TENM3: variants seen among roughly 807,000 people sequenced by gnomAD.
TENM3 encodes teneurin transmembrane protein 3, also known as teneurin-3.
In TENM3, 63 loss-of-function variants were observed where a neutral mutation model predicts 255.1. The ratio of observed to expected loss-of-function variants is 0.25; its 90% CI spans 0.20 to 0.30. TENM3 has a LOEUF of 0.30. Among genes scored for constraint, TENM3 ranks in the 10% least tolerant of loss-of-function variants. TENM3 has a pLI of 1.00. For synonymous variants in TENM3, 1,306 were observed against 1,322.3 expected (o/e 0.99, Z 0.27); for missense variants, 2,929 against 3,461.1 (o/e 0.85, Z 3.86).
chr4:181,580,146 T>A, the TENM3 span, among the ~76,000 whole-genome samples: 2 of 151,972 alleles, frequency 1.3e-5, no homozygotes, highest in African/African-American at 4.8e-5. Flanking sequence ...TACAGGCATG[T>A]GCCACCATGC....
chr4:182,611,523 G>A (rs2152432244), intron 4 of TENM3, among the ~76,000 whole-genome samples: 1 of 152,068 alleles, frequency 6.6e-6, no homozygotes, highest in African/African-American at 2.4e-5. Context: ...TGTCTACTCT[G>A]ATCATCTGGC....
chr4:182,135,857 G>A, the TENM3 span, among the ~76,000 whole-genome samples: 1 of 152,200 alleles, frequency 6.6e-6, no homozygotes, highest in Non-Finnish European at 1.5e-5. Flanking sequence ...CAGACAAGAA[G>A]TTTTGTGAGA....
chr4:182,080,644 A>C, the TENM3 span, among the ~76,000 whole-genome samples: 3 of 152,228 alleles, frequency 2.0e-5, no homozygotes, highest in African/African-American at 7.2e-5. Context: ...TCATCCATCC[A>C]GTGAAACAGG....
At chr4:182,190,369 A>G (rs1409184151) in intron 1 of TENM3, 8 of 152,226 alleles carry the variant, frequency 5.3e-5, no homozygotes, top group Non-Finnish European at 2.9e-5. Context: ...TGAAACAAGT[A>G]TGCACTGTTC....
At position 182,635,719 on chromosome 4, in the gene TENM3, G is replaced by T. The variant is rs141399610; in HGVS notation, c.988+6830G>T. The stretch of plus-strand genomic sequence containing the variant: ...ATGTTGTCATATGCCTGCTAAAAAG[G>T]CTGTTTAACAACATAAGCATTCCCT... On this transcript the variant is annotated intron_variant, in intron 5 of 27. Transcript: ENST00000511685. Among the ~76,000 whole-genome samples the T allele has an allele frequency of 4.0e-3, 606 of 152,234 alleles. 4 individuals are homozygous for T. Among genetic ancestry groups the T allele is most frequent in the African/African-American group, 0.014 (592 of 41,554 alleles).
At chr4:181,737,929 T>C in the TENM3 span, among the ~76,000 whole-genome samples, 3 of 150,362 alleles carry the variant, frequency 2.0e-5, no homozygotes, top group African/African-American at 7.4e-5. Context: ...TGCCAACTCG[T>C]ATCTGGGGAG....
chr4:181,673,838 AGT>A, the TENM3 span, among the ~76,000 whole-genome samples: 1 of 140,872 alleles, frequency 7.1e-6, no homozygotes, highest in Non-Finnish European at 1.5e-5. Flanking sequence ...GAAAGTCAGA[AGT>A]GTGTGGTGTG....
chr4:182,362,723 C>T (rs1766110228), intron 3 of TENM3, among the ~76,000 whole-genome samples: 1 of 152,142 alleles, frequency 6.6e-6, no homozygotes, highest in African/African-American at 2.4e-5. Flanking sequence ...ACGGTGCACG[C>T]ACCCACTGAC....
At chr4:181,641,291 C>T in the TENM3 span, among the ~76,000 whole-genome samples, 3 of 151,596 alleles carry the variant, frequency 2.0e-5, no homozygotes, top group South Asian at 2.1e-4. Flanking sequence ...CCCATCAACC[C>T]GTCACCTACA....
At chr4:182,390,983 T>C (rs1468751236) in intron 3 of TENM3, among the ~76,000 whole-genome samples, 1 of 152,176 alleles carries the variant, frequency 6.6e-6, no homozygotes, top group Non-Finnish European at 1.5e-5. Context: ...TTTAATAGAA[T>C]AGCTGTTAAT....
chr4:181,507,079 C>T, the TENM3 span, among the ~76,000 whole-genome samples: 1 of 152,124 alleles, frequency 6.6e-6, no homozygotes, highest in African/African-American at 2.4e-5. Context: ...AACTTGTGCC[C>T]AGATAGATTT....
At chr4:181,966,649 G>A in the TENM3 span, among the ~76,000 whole-genome samples, 2 of 152,180 alleles carry the variant, frequency 1.3e-5, no homozygotes, top group Non-Finnish European at 2.9e-5. Flanking sequence ...TAAAGGCTCC[G>A]AGAATGAAAT....
intron 4 of TENM3, among the ~76,000 whole-genome samples, chr4:182,620,344 T>C (rs1392735345): frequency 6.6e-6 from 1 of 152,222 alleles, no homozygotes; most frequent in East Asian, 1.9e-4. Context: ...GTCCTTGGGC[T>C]TAAAGACACA....
chr4:182,628,694 A>C lies in TENM3; in HGVS notation c.793A>C (p.Ser265Arg), dbSNP rs773042871. The change falls in exon 5 of 28, where the codon AGT becomes CGT. Residue 265 changes from serine to arginine, a missense_variant. By Grantham distance (110) the Ser-to-Arg change is moderately radical. Around this residue, in one of 6 missense-constraint regions of TENM3, gnomAD observed 1,608 missense variants for 1,884.4 expected, o/e 0.85. Coordinates refer to ENST00000511685, the MANE Select transcript of TENM3 (RefSeq NM_001080477.4). The stretch of plus-strand genomic sequence containing the variant: ...AGGAACAGGTACAACGCCACTGTTC[A>C]GTACTGCAACCCCAGGATACACAAT... ...KTGTGTTPLF[S>R]TATPGYTMAS... is the part of the protein sequence containing the mutation. 12 of 1,605,438 alleles carry C rather than the reference A, an allele frequency of 7.5e-6. No homozygotes were observed. The highest frequency in any genetic ancestry group is 1.0e-5 in the Non-Finnish European group (12 of 1,175,866).
the TENM3 span, among the ~76,000 whole-genome samples, chr4:182,017,273 A>C: frequency 6.6e-6 from 1 of 152,252 alleles, no homozygotes; most frequent in African/African-American, 2.4e-5. Context: ...AAATACAGGC[A>C]TGAGAAATGC....
In TENM3 at chr4:182,796,711, G is replaced by T. The variant is rs368776181; in HGVS notation, c.7288G>T (p.Asp2430Tyr). The change falls in exon 27 of 28, where the codon GAT (aspartate) becomes TAT (tyrosine). Residue 2430 changes from aspartate (D) to tyrosine (Y), a missense_variant. Transcript: ENST00000511685. ...AIPGFPVPKF[D>Y]LTEPSYELVK... ...TCCTGGATTCCCTGTTCCCAAATTT[G>T]ATTTAACAGAACCTTCTTACGAACT... is the stretch of plus-strand genomic sequence containing the variant. 78 of 1,612,576 alleles carry T rather than the reference G, an allele frequency of 4.8e-5. No homozygotes were observed. The Middle Eastern group carries it at 4.9e-4, about 10-fold the overall frequency.
intron 3 of TENM3, among the ~76,000 whole-genome samples, chr4:182,533,041 T>A (rs2151848047): frequency 6.6e-6 from 1 of 152,276 alleles, no homozygotes; most frequent in African/African-American, 2.4e-5. Context: ...GGAGTCATAT[T>A]ATTATGCCTC....
the TENM3 span, among the ~76,000 whole-genome samples, chr4:181,713,938 C>T: frequency 1.3e-5 from 2 of 152,150 alleles, no homozygotes; most frequent in Non-Finnish European, 2.9e-5. Context: ...AAATAAGTTT[C>T]ACAGGTTAAG....
chr4:181,493,719 G>A, the TENM3 span, among the ~76,000 whole-genome samples: 1 of 152,074 alleles, frequency 6.6e-6, no homozygotes, highest in Non-Finnish European at 1.5e-5. Context: ...ACTCCAGCCT[G>A]GGCAACAGGA....
Sources: allele counts gnomAD v4.1 joint callset (sites outside exome capture counted in the v4.1 genomes callset), GRCh38; gene constraint gnomAD v4.1.1; regional missense constraint gnomAD v4.1.1; transcripts MANE v1.5; gene names NCBI Gene and HGNC (gene_info 2026-07-23, HGNC 2026-07-21).